The following MEF2C variants were observed in gnomAD, a reference collection of about 807,000 sequenced individuals.
MEF2C encodes myocyte enhancer factor 2C, also known as myocyte-specific enhancer factor 2C.
A neutral mutation model predicts 50.5 loss-of-function variants in MEF2C; 6 were observed. The observed-to-expected ratio is 0.12, with a 90% CI of 0.07 to 0.23. The LOEUF (loss-of-function observed/expected upper bound fraction) is 0.23. Among genes scored for constraint, MEF2C ranks in the 10% least tolerant of loss-of-function variants. MEF2C has a pLI of 1.00. For synonymous variants in MEF2C, 183 were observed against 228.0 expected, an observed-to-expected ratio of 0.80 and a Z score of 1.78; for missense variants, 276 against 605.0, an observed-to-expected ratio of 0.46 and a Z score of 5.70.
chr5:88,748,681 G>A, intron 6 of MEF2C: 2 of 700,026 alleles, frequency 2.9e-6, no homozygotes, highest in Non-Finnish European at 3.5e-6. Flanking sequence ...CTTTAGAAAT[G>A]CATAGAAGTT....
intron 6 of MEF2C, chr5:88,741,530 G>A: frequency 1.0e-6 from 1 of 985,306 alleles, no homozygotes. Flanking sequence ...TGGTTTTACG[G>A]TTTTCACTGA....
Position 88,718,045 on chromosome 5 carries a change from C to G in MEF2C, c.*4559G>C, listed in dbSNP as rs1457740548. 1 of 152,144 alleles carries G rather than the reference C, an allele frequency of 6.6e-6. No homozygotes were observed. Among genetic ancestry groups the G allele is most frequent in the Non-Finnish European group, 1.5e-5 (1 of 68,012 alleles). The allele number at this position is 152,144 out of a possible 1,614,324, so 9.4% of individuals were successfully genotyped here. A position where few individuals can be genotyped will look rare whatever the true frequency, so the allele number is the denominator to read the frequency against. On this transcript the variant is annotated 3_prime_UTR_variant, in exon 11 of 11. Transcript: ENST00000504921. ...CCACCACTGGCTGAATTCTGTAATACCCTAAGAACCGTCATCCAATTCACA... is the reference window on the plus strand; with the variant it reads ...CCACCACTGGCTGAATTCTGTAATAGCCTAAGAACCGTCATCCAATTCACA...
At chr5:88,747,337 T>TAATGACTTTCAGAACCACTACTAGC (rs1561795206) in intron 6 of MEF2C, among the ~76,000 whole-genome samples, 1 of 27,664 alleles carries the variant, frequency 3.6e-5, no homozygotes, top group African/African-American at 7.8e-5. Flanking sequence ...TTACTACTTT[T>TAATGACTTTCAGAACCACTACTAGC]TTTTTTTTTT....
At chr5:88,894,930 G>A (rs1478254644) in intron 1 of MEF2C, among the ~76,000 whole-genome samples, 1 of 152,156 alleles carries the variant, frequency 6.6e-6, no homozygotes, top group African/African-American at 2.4e-5. Context: ...CTAAATAATT[G>A]TTTTGACCTT....
intron 4 of MEF2C, chr5:88,752,549 T>A: frequency 1.1e-6 from 1 of 921,694 alleles, no homozygotes; most frequent in Non-Finnish European, 1.3e-6. Flanking sequence ...TTAAAGTCTA[T>A]GTTTTAAAAG....
intron 3 of MEF2C, among the ~76,000 whole-genome samples, chr5:88,800,200 A>T (rs150055694): frequency 1.3e-5 from 2 of 152,078 alleles, no homozygotes; most frequent in Non-Finnish European, 2.9e-5. Context: ...GTGGTTACAA[A>T]ACGTGCTGGA....
chr5:88,740,477 C>A (rs1040760251), intron 6 of MEF2C: 2 of 984,392 alleles, frequency 2.0e-6, no homozygotes, highest in Non-Finnish European at 2.4e-6. Flanking sequence ...ACCATCCCAG[C>A]TTTTGACAGA....
At chr5:88,753,539 G>A (rs1283520293) in intron 4 of MEF2C, among the ~76,000 whole-genome samples, 1 of 152,140 alleles carries the variant, frequency 6.6e-6, no homozygotes, top group Non-Finnish European at 1.5e-5. Context: ...GTTGGCATGT[G>A]CCACCACGCC....
chr5:88,737,714 G>A (rs1288328255), intron 6 of MEF2C: 8 of 985,282 alleles, frequency 8.1e-6, no homozygotes, highest in Non-Finnish European at 9.6e-6. Context: ...TCAGAGTTTA[G>A]AAGGAGGGGC....
intron 3 of MEF2C, chr5:88,772,828 G>A (rs1782993201): frequency 1.0e-6 from 1 of 985,274 alleles, no homozygotes; most frequent in Non-Finnish European, 1.2e-6. Context: ...ACAGCAATGA[G>A]CAGGGAGGGT....
intron 1 of MEF2C, among the ~76,000 whole-genome samples, chr5:88,894,246 A>G (rs1834884961): frequency 6.6e-6 from 1 of 152,234 alleles, no homozygotes; most frequent in Non-Finnish European, 1.5e-5. Flanking sequence ...CCAGGGCCAC[A>G]TAGTTCCTAA....
chr5:88,734,753 T>G (rs1763427092), intron 6 of MEF2C: 1 of 982,980 alleles, frequency 1.0e-6, no homozygotes, highest in African/African-American at 1.8e-5. Context: ...CTAAAAAAAT[T>G]GATTTTAAAA....
At chr5:88,823,584 GA>G in intron 2 of MEF2C, 150 bp downstream of exon 2, 1 of 605,666 alleles carries the variant, frequency 1.7e-6, no homozygotes, top group Non-Finnish European at 2.7e-6. Context: ...TTATATATAA[GA>G]GACTATCAGC....
chr5:88,885,039 G>A (rs557630866), upstream of MEF2C, among the ~76,000 whole-genome samples: 3 of 148,752 alleles, frequency 2.0e-5, no homozygotes, highest in East Asian at 5.9e-4. Flanking sequence ...ATAGAACATG[G>A]AATATATGAG....
chr5:88,724,507 T>C (rs1757771882), intron 10 of MEF2C, among the ~76,000 whole-genome samples: 1 of 152,130 alleles, frequency 6.6e-6, no homozygotes, highest in South Asian at 2.1e-4. Flanking sequence ...AGCGTCTCTT[T>C]CTCTAGCTTT....
intron 1 of MEF2C, among the ~76,000 whole-genome samples, chr5:88,859,705 G>A (rs562921311): frequency 3.9e-5 from 6 of 152,288 alleles, no homozygotes; most frequent in East Asian, 3.9e-4. Context: ...TGCGCTCAAC[G>A]AGCAAAAACT....
At chr5:88,798,283 G>A (rs901945541) in intron 3 of MEF2C, among the ~76,000 whole-genome samples, 6 of 152,280 alleles carry the variant, frequency 3.9e-5, no homozygotes, top group Middle Eastern at 3.4e-3. Flanking sequence ...CCAATCAAAT[G>A]TAGGTTTTGT....
intron 3 of MEF2C, among the ~76,000 whole-genome samples, chr5:88,800,084 T>TGTGGGCCC (rs1214383438): frequency 6.6e-6 from 1 of 152,190 alleles, no homozygotes; most frequent in Non-Finnish European, 1.5e-5. Flanking sequence ...ATCACTGGAC[T>TGTGGGCCC]GTGGGCCCAG....
At chr5:88,729,146 A>G in intron 9 of MEF2C, 72 bp downstream of exon 9, 3 of 1,581,716 alleles carry the variant, frequency 1.9e-6, no homozygotes, top group Non-Finnish European at 2.6e-6. Flanking sequence ...ATAGAGTAAA[A>G]GATAACTTTT....
Sources: allele counts gnomAD v4.1 joint callset (sites outside exome capture counted in the v4.1 genomes callset), GRCh38; gene constraint gnomAD v4.1.1; transcripts MANE v1.5; gene names NCBI Gene and HGNC (gene_info 2026-07-23, HGNC 2026-07-21).